The following SCIMP variants were observed in gnomAD, a reference collection of about 807,000 sequenced individuals.
The protein encoded by SCIMP is SLP adaptor and CSK interacting membrane protein.
Under a neutral mutation model 22.0 loss-of-function variants are expected in SCIMP, and 18 were observed. The observed-to-expected ratio is 0.82, with a 90% CI of 0.56 to 1.21. The LOEUF (loss-of-function observed/expected upper bound fraction) is 1.21. Ranked by LOEUF, SCIMP falls within the 50% of genes most tolerant of loss-of-function variation. The probability of loss-of-function intolerance (pLI) is 0.00; values close to 1 mark genes in which losing one functional copy is unlikely to be tolerated. For synonymous variants in SCIMP, 53 were observed against 62.2 expected (o/e 0.85, Z 0.70); for missense variants, 155 against 171.2 (o/e 0.91, Z 0.53).
At position 5,219,742 on chromosome 17, in the gene SCIMP, C is replaced by T. The variant is rs538732162; in HGVS notation, c.209+1545G>A. 2.0e-5 allele frequency among the ~76,000 whole-genome samples: 3 copies of T among 152,222 alleles called. No homozygotes were observed. In the South Asian group the frequency reaches 6.2e-4, roughly 32 times the overall value. ...TGCCTGTTTTTGTTTGCCTGGGGCC[C>T]TGGGCCATGTTTGATCAATTTGATA... is the stretch of plus-strand genomic sequence containing the variant. On this transcript the variant is annotated intron_variant, in intron 3 of 4. Transcript: ENST00000574081.
intron 1 of SCIMP, 64 bp downstream of exon 1, chr17:5,234,671 G>A: frequency 6.4e-7 from 1 of 1,567,774 alleles, no homozygotes. Flanking sequence ...CCTGATGCCA[G>A]CGCTGGCAGA....
intron 1 of SCIMP, among the ~76,000 whole-genome samples, chr17:5,225,230 TGAG>T (rs1158178280): frequency 1.3e-5 from 2 of 152,108 alleles, no homozygotes; most frequent in Non-Finnish European, 2.9e-5. Flanking sequence ...TTTGGGAGGC[TGAG>T]GAGGGCAGAT....
At position 5,210,942 on chromosome 17, in the gene SCIMP, G is replaced by T. The variant is rs1175281814; in HGVS notation, c.297C>A (p.Ala99=). The change falls in exon 5 of 5, where the codon GCC becomes GCA. Residue 99 remains alanine, a synonymous_variant. Coordinates refer to ENST00000574081, the MANE Select transcript of SCIMP (RefSeq NM_207103.3). ...PSLEDSSPQE[A]PSQPPATYSL... Reference sequence around the variant, plus strand: ...AGTATGTAGCGGGCGGCTGACTTGGGGCTTCCTGTGGGGCTAGAATACACA... The same window carrying T: ...AGTATGTAGCGGGCGGCTGACTTGGTGCTTCCTGTGGGGCTAGAATACACA... 6.2e-7 allele frequency: 1 copy of T among 1,610,978 alleles called. No individual in the cohort carries two copies. Among genetic ancestry groups the T allele is most frequent in the Non-Finnish European group, 8.5e-7 (1 of 1,179,290 alleles).
intron 3 of SCIMP, chr17:5,215,326 A>G (rs749335377): frequency 1.9e-5 from 4 of 211,268 alleles, no homozygotes; most frequent in Non-Finnish European, 3.8e-5. Flanking sequence ...TTTGCAAAAC[A>G]GATGAGCCGG....
intron 1 of SCIMP, among the ~76,000 whole-genome samples, chr17:5,230,895 A>G (rs2074688582): frequency 6.6e-6 from 1 of 152,180 alleles, no homozygotes; most frequent in African/African-American, 2.4e-5. Flanking sequence ...AGCTGTGATT[A>G]CCATCAGTGC....
At chr17:5,223,278 G>C in intron 2 of SCIMP, 55 bp downstream of exon 2, 1 of 1,602,518 alleles carries the variant, frequency 6.2e-7, no homozygotes, top group East Asian at 2.2e-5. Flanking sequence ...GAGCTCTACT[G>C]CACCGATAAC....
intron 1 of SCIMP, among the ~76,000 whole-genome samples, chr17:5,231,345 A>C (rs2074692421): frequency 6.6e-6 from 1 of 150,756 alleles, no homozygotes; most frequent in Non-Finnish European, 1.5e-5. Flanking sequence ...GAGTGACGAG[A>C]GTGAAACTCC....
chr17:5,232,737 G>A (rs991462725), intron 1 of SCIMP, among the ~76,000 whole-genome samples: 5 of 150,310 alleles, frequency 3.3e-5, no homozygotes, highest in African/African-American at 1.2e-4. Flanking sequence ...TTGAGATGGC[G>A]TCTTGCTCTG....
chr17:5,210,615 T>C lies in SCIMP; in HGVS notation c.*186A>G. 1 of 694,986 alleles carries C rather than the reference T, an allele frequency of 1.4e-6. No homozygotes were observed. The highest frequency in any genetic ancestry group is 2.2e-5 in the South Asian group (1 of 45,288). 43.1% of individuals were successfully genotyped at this position (694,986 alleles called of 1,614,324 possible). On this transcript the variant is annotated 3_prime_UTR_variant, in exon 5 of 5. Transcript: ENST00000574081. ...CGAGCACCCATGTGTCTCCTCTGGC[T>C]GCAGTCATCCGATCGCAGGGGTGTC...
intron 3 of SCIMP, among the ~76,000 whole-genome samples, chr17:5,216,447 C>T (rs1356820743): frequency 6.6e-6 from 1 of 152,116 alleles, no homozygotes; most frequent in Non-Finnish European, 1.5e-5. Context: ...GCAGGCAGAT[C>T]ATGAGGTCAG....
intron 1 of SCIMP, 169 bp from the exon 2 acceptor site, chr17:5,223,625 C>A (rs1802360799): frequency 1.7e-6 from 1 of 605,014 alleles, no homozygotes; most frequent in Admixed American, 2.9e-5. Context: ...TCTCAGCTCA[C>A]TGCAACCTCC....
intron 1 of SCIMP, 45 bp downstream of exon 1, chr17:5,234,690 G>A: frequency 2.5e-6 from 4 of 1,603,210 alleles, no homozygotes; most frequent in Non-Finnish European, 2.6e-6. Context: ...GATGTCTGCT[G>A]TGAAGAGAGC....
chr17:5,232,348 A>ATATAAACAGTGCAGTGTAACCAGTGCAG (rs2074704809), intron 1 of SCIMP, among the ~76,000 whole-genome samples: 1 of 34,462 alleles, frequency 2.9e-5, no homozygotes, highest in African/African-American at 1.9e-4. Context: ...AAGGGGTGGA[A>ATATAAACAGTGCAGTGTAACCAGTGCAG]TATAAACAGT....
intron 4 of SCIMP, chr17:5,213,573 G>A (rs2074542672): frequency 6.6e-6 from 1 of 152,334 alleles, no homozygotes; most frequent in Non-Finnish European, 1.5e-5. Context: ...CTGGCTGTGT[G>A]TGGTGGCTCA....
At chr17:5,222,092 GTT>G (rs35908136) in intron 2 of SCIMP, among the ~76,000 whole-genome samples, 2 of 138,140 alleles carry the variant, frequency 1.4e-5, no homozygotes, top group African/African-American at 2.7e-5. Context: ...ATGAAAACTT[GTT>G]TTTTTTTTTT....
intron 1 of SCIMP, among the ~76,000 whole-genome samples, chr17:5,226,037 T>A (rs748208910): frequency 3.3e-5 from 5 of 152,150 alleles, no homozygotes; most frequent in African/African-American, 1.2e-4. Context: ...TGTTGGTGAT[T>A]GTTGTGCTGG....
chr17:5,224,748 C>G (rs2074635055), intron 1 of SCIMP, among the ~76,000 whole-genome samples: 1 of 152,162 alleles, frequency 6.6e-6, no homozygotes, highest in Non-Finnish European at 1.5e-5. Flanking sequence ...AGCCACCATG[C>G]CCAGCCAGTT....
chr17:5,232,705 C>T (rs1317090702), intron 1 of SCIMP, among the ~76,000 whole-genome samples: 1 of 150,574 alleles, frequency 6.6e-6, no homozygotes, highest in East Asian at 2.0e-4. Flanking sequence ...TGTTCCCACT[C>T]GTTCTTCTTC....
intron 4 of SCIMP, among the ~76,000 whole-genome samples, chr17:5,212,047 C>CAAA (rs201695440): frequency 6.9e-6 from 1 of 145,568 alleles, no homozygotes; most frequent in Admixed American, 6.9e-5. Flanking sequence ...GACTCTGTCT[C>CAAA]AAAAAAAAAG....
Sources: allele counts gnomAD v4.1 joint callset (sites outside exome capture counted in the v4.1 genomes callset), GRCh38; gene constraint gnomAD v4.1.1; transcripts MANE v1.5; gene names NCBI Gene and HGNC (gene_info 2026-07-23, HGNC 2026-07-21).